Variants in PCIF1 observed in about 807,000 individuals in gnomAD.
PCIF1 encodes the protein mRNA (2'-O-methyladenosine-N(6)-)-methyltransferase.
Under a neutral mutation model 86.9 loss-of-function variants are expected in PCIF1, and 12 were observed. The ratio of observed to expected loss-of-function variants is 0.14; its 90% CI spans 0.09 to 0.22. The LOEUF is 0.22. Ranked by LOEUF, PCIF1 falls within the 10% of genes least tolerant of loss-of-function variation. The pLI is 1.00. For synonymous variants in PCIF1, 397 were observed against 372.0 expected (o/e 1.07, Z -0.77); for missense variants, 701 against 951.1 (o/e 0.74, Z 3.46).
intron 14 of PCIF1, 97 bp from the exon 15 acceptor site, chr20:45,946,976 C>T (rs1169318464): frequency 2.0e-6 from 2 of 984,138 alleles, no homozygotes; most frequent in Non-Finnish European, 3.1e-6. Flanking sequence ...GACAGGCCAT[C>T]TCTTCAGTGT....
chr20:45,936,764 C>G (rs945877459), intron 1 of PCIF1, among the ~76,000 whole-genome samples: 1 of 152,044 alleles, frequency 6.6e-6, no homozygotes, highest in African/African-American at 2.4e-5. Context: ...AATCCCGTCT[C>G]TACTAAAAGT....
At chr20:45,946,697 C>T (rs1184090656) in intron 14 of PCIF1, among the ~76,000 whole-genome samples, 4 of 152,150 alleles carry the variant, frequency 2.6e-5, no homozygotes, top group Non-Finnish European at 5.9e-5. Flanking sequence ...AGAGGCCTTA[C>T]AAACTAGGGG....
rs1186407407 is a variant in PCIF1 at position 45,946,333 on chromosome 20, G to A, written c.1562G>A (p.Arg521His). 1.2e-6 allele frequency: 2 copies of A among 1,613,984 alleles called. No individual in the cohort carries two copies. Among genetic ancestry groups the A allele is most frequent in the Non-Finnish European group, 1.7e-6 (2 of 1,180,032 alleles). Residue 521 changes from arginine (R) to histidine (H), a missense_variant, in exon 14 of 17, where the codon CGC (arginine) becomes CAC (histidine). Arg to His is a conservative substitution (Grantham distance 29, BLOSUM62 0). Transcript: ENST00000372409. ...GCCTCACCCCTCAACTGCTACTTCC[G>A]CCAGTACTGTTCTGCCTTCCCCGAC... is the stretch of plus-strand genomic sequence containing the variant. ...CFASPLNCYF[R>H]QYCSAFPDTD... is the part of the protein sequence containing the mutation.
In PCIF1 at chr20:45,943,309, G is replaced by A. The variant is rs1393018498; in HGVS notation, c.822-31G>A. On this transcript the variant is annotated intron_variant, in intron 8 of 16. Coordinates refer to ENST00000372409, the MANE Select transcript of PCIF1 (RefSeq NM_022104.4). This position sits in a 1 kb window ranked among gnomAD's most constrained non-coding sequence, Gnocchi z 5.5. ...TTTCTGTGCCCAGTCATGTATAGAA[G>A]GCCTCTAACTCTGCCCACTCTGAAA... is the stretch of plus-strand genomic sequence containing the variant. 1.9e-6 allele frequency: 3 copies of A among 1,613,886 alleles called. No homozygotes were observed. Among genetic ancestry groups the A allele is most frequent in the Non-Finnish European group, 1.7e-6 (2 of 1,179,764 alleles).
chr20:45,946,383 G>T lies in PCIF1; in HGVS notation c.1612G>T (p.Gly538Trp). The change falls in exon 14 of 17, where the codon GGG becomes TGG. Residue 538 changes from glycine (G) to tryptophan (W), a missense_variant and splice_region_variant. Gly to Trp is a radical substitution (Grantham distance 184). Around this residue, in one of 7 missense-constraint regions of PCIF1, gnomAD observed 61 missense variants for 118.5 expected, o/e 0.51. Transcript: ENST00000372409. ...PDTDGYFGSR[G>W]PCLDFAPLSG... ...CACAGACGGCTACTTTGGCTCCCGC[G>T]GGTGAGGGCCAAGGGCTGCCCCTCT... 6.2e-7 allele frequency: 1 copy of T among 1,612,724 alleles called. No individual in the cohort carries two copies.
At chr20:45,937,110 A>G (rs1014220677) in intron 1 of PCIF1, among the ~76,000 whole-genome samples, 1 of 152,170 alleles carries the variant, frequency 6.6e-6, no homozygotes, top group African/African-American at 2.4e-5. Flanking sequence ...AGTGTGCAAA[A>G]TGTAAATGTG....
rs1263643788 is a variant in PCIF1, at chr20:45,947,724, A to G, written c.2084A>G (p.Gln695Arg). 2.5e-6 allele frequency: 4 copies of G among 1,605,190 alleles called. No homozygotes were observed. Among genetic ancestry groups the G allele is most frequent in the Non-Finnish European group, 2.6e-6 (3 of 1,175,378 alleles). The change falls in exon 17 of 17, where the codon CAG becomes CGG. Residue 695 changes from glutamine (Q) to arginine (R), a missense_variant. By Grantham distance (43) the Gln-to-Arg change is conservative (BLOSUM62 1). Coordinates refer to ENST00000372409, the MANE Select transcript of PCIF1 (RefSeq NM_022104.4). This position sits in a 1 kb window ranked among gnomAD's most constrained non-coding sequence, Gnocchi z 5.4. ...EAKDRDSGRE[Q>R]GPSREPHPT is the part of the protein sequence containing the mutation. ...AAGGACCGGGACTCGGGCCGTGAGC[A>G]GGGTCCTAGCCGCGAGCCTCACCCC... is the stretch of plus-strand genomic sequence containing the variant.
At chr20:45,941,338 C>A in intron 7 of PCIF1, 131 bp downstream of exon 7, 1 of 1,067,246 alleles carries the variant, frequency 9.4e-7, no homozygotes, top group Non-Finnish European at 1.3e-6. Flanking sequence ...TGCACTCCAG[C>A]CTGAGTGACA....
rs755682740 is a variant in PCIF1 at position 45,941,082 on chromosome 20, A to G, written c.548A>G (p.Asn183Ser). 5 of 1,614,160 alleles carry G rather than the reference A, an allele frequency of 3.1e-6. No individual in the cohort carries two copies. The highest frequency in any genetic ancestry group is 4.2e-6 in the Non-Finnish European group (5 of 1,180,012). ...EVYWDLDIQT[N>S]AVIKHRGPSE... ...TACTGGGACCTGGACATCCAGACCA[A>G]TGCTGTCATCAAGCACCGGGGGCCT... The change falls in exon 7 of 17, where the codon AAT becomes AGT. Residue 183 changes from asparagine to serine, a missense_variant. Transcript: ENST00000372409.
At position 45,943,622 on chromosome 20, in the gene PCIF1, G is replaced by A. The variant is rs1416033280; in HGVS notation, c.906-44G>A. The A allele has an allele frequency of 2.0e-6, 3 of 1,520,932 alleles. No individual in the cohort carries two copies. In the East Asian group the frequency reaches 7.4e-5, roughly 37 times the overall value. The allele number at this position is 1,520,932 out of a possible 1,614,324, so 94.2% of individuals were successfully genotyped here. A position where few individuals can be genotyped will look rare whatever the true frequency, so the allele number is the denominator to read the frequency against. On this transcript the variant is annotated intron_variant, in intron 9 of 16. Coordinates refer to ENST00000372409, the MANE Select transcript of PCIF1 (RefSeq NM_022104.4). This position sits in a 1 kb window ranked among gnomAD's most constrained non-coding sequence, Gnocchi z 5.5. ...CCCATGGAATTGGGATGAGGAGGGTGGAGCCAAGCCATTCCTTTCTTCTGC... is the reference window on the plus strand; with the variant it reads ...CCCATGGAATTGGGATGAGGAGGGTAGAGCCAAGCCATTCCTTTCTTCTGC...
Position 45,940,700 on chromosome 20 carries a change from G to A in PCIF1, c.387+88G>A, listed in dbSNP as rs573890255. The A allele has an allele frequency of 2.8e-4, 442 of 1,569,798 alleles. 3 individuals are homozygous for A. The South Asian group carries it at 4.7e-3, about 17-fold the overall frequency. On this transcript the variant is annotated intron_variant, in intron 5 of 16. Coordinates refer to ENST00000372409, the MANE Select transcript of PCIF1 (RefSeq NM_022104.4). ...TCCCTGCAGGGGCTGGGCATTGGCA[G>A]GCCAGCCAGGAGGGGGGCCTGGGAC...
chr20:45,939,360 G>A, intron 4 of PCIF1, 21 bp downstream of exon 4: 2 of 1,612,382 alleles, frequency 1.2e-6, no homozygotes, highest in East Asian at 4.5e-5. Flanking sequence ...GCCTAGGGTG[G>A]GGGGGTCTCA....
rs2083461900 is a variant in PCIF1 at position 45,940,670 on chromosome 20, C to T, written c.387+58C>T. ...GCGGCCGGCTCAGACGGGCCGCCTG[C>T]AGGCTCCCTGCAGGGGCTGGGCATT... On this transcript the variant is annotated intron_variant, in intron 5 of 16. Transcript: ENST00000372409. 8.9e-6 allele frequency: 14 copies of T among 1,576,438 alleles called. No individual in the cohort carries two copies. In the South Asian group the frequency reaches 1.5e-4, roughly 17 times the overall value.
Position 45,947,174 on chromosome 20 carries a change from C to T in PCIF1, c.1707+8C>T. ...ATGGTCTCTCACTTTGAGGTGGGTGCACTGCCAGGGTGAGAGGTGGGCAAC... is the reference window on the plus strand; with the variant it reads ...ATGGTCTCTCACTTTGAGGTGGGTGTACTGCCAGGGTGAGAGGTGGGCAAC... On this transcript the variant is annotated splice_region_variant and intron_variant, in intron 15 of 16. Coordinates refer to ENST00000372409, the MANE Select transcript of PCIF1 (RefSeq NM_022104.4). The surrounding 1 kb of genome is among the most constrained non-coding windows in gnomAD (Gnocchi z 5.4). 2 of 1,610,950 alleles carry T rather than the reference C, an allele frequency of 1.2e-6. No homozygotes were observed. Among genetic ancestry groups the T allele is most frequent in the South Asian group, 2.2e-5 (2 of 90,878 alleles).
In PCIF1 at chr20:45,948,012, C is replaced by A; in HGVS notation, c.*257C>A. 2.7e-6 allele frequency: 4 copies of A among 1,466,990 alleles called. No individual in the cohort carries two copies. Among genetic ancestry groups the A allele is most frequent in the Non-Finnish European group, 3.7e-6 (4 of 1,094,052 alleles). The allele number at this position is 1,466,990 out of a possible 1,614,324, so 90.9% of individuals were successfully genotyped here. A position where few individuals can be genotyped will look rare whatever the true frequency, so the allele number is the denominator to read the frequency against. ...TCATTTGTAAAAGGAAATACAGAAACCCCCCCAAGAATGTGTGAGGGTCTT... is the reference window on the plus strand; with the variant it reads ...TCATTTGTAAAAGGAAATACAGAAAACCCCCCAAGAATGTGTGAGGGTCTT... On this transcript the variant is annotated 3_prime_UTR_variant, in exon 17 of 17. Coordinates refer to ENST00000372409, the MANE Select transcript of PCIF1 (RefSeq NM_022104.4).
chr20:45,941,292 G>GGA, intron 7 of PCIF1, 85 bp downstream of exon 7: 1 of 1,485,820 alleles, frequency 6.7e-7, no homozygotes, highest in Non-Finnish European at 9.1e-7. Context: ...TGGGGATGGC[G>GGA]GAGTGGGGCC....
At chr20:45,938,170 T>C (rs988612204) in intron 2 of PCIF1, among the ~76,000 whole-genome samples, 6 of 152,166 alleles carry the variant, frequency 3.9e-5, no homozygotes, top group African/African-American at 1.4e-4. Context: ...GAGTAGGGAA[T>C]ACAGATCTGA....
At chr20:45,935,892 C>T (rs2033331951) in intron 1 of PCIF1, among the ~76,000 whole-genome samples, 1 of 151,768 alleles carries the variant, frequency 6.6e-6, no homozygotes, top group South Asian at 2.1e-4. Flanking sequence ...ACTGCAGTGT[C>T]CCCATTTAGC....
Position 45,943,829 on chromosome 20 carries a change from C to A in PCIF1, c.1005+64C>A. 7.2e-7 allele frequency: 1 copy of A among 1,389,954 alleles called. No homozygotes were observed. Among genetic ancestry groups the A allele is most frequent in the Non-Finnish European group, 9.9e-7 (1 of 1,006,366 alleles). The allele number at this position is 1,389,954 out of a possible 1,614,324, so 86.1% of individuals were successfully genotyped here. A position where few individuals can be genotyped will look rare whatever the true frequency, so the allele number is the denominator to read the frequency against. The stretch of plus-strand genomic sequence containing the variant: ...TCTGTGGCCACTTCCTCCAGGAAGC[C>A]TACTCTGCCTGTCCAGGCTGGGCAA... On this transcript the variant is annotated intron_variant, in intron 10 of 16. Transcript: ENST00000372409. This position sits in a 1 kb window ranked among gnomAD's most constrained non-coding sequence, Gnocchi z 5.5.
Sources: gnomAD v4.1 joint callset for allele counts (sites outside exome capture counted in the v4.1 genomes callset) on GRCh38, gnomAD v4.1.1 for gene constraint, gnomAD v4.1.1 regional missense constraint, Gnocchi (gnomAD v3.1) non-coding constraint, MANE v1.5 for transcripts, NCBI Gene and HGNC (gene_info 2026-07-23, HGNC 2026-07-21) for gene names.